UXS1: variants seen among roughly 807,000 people sequenced by gnomAD.
UXS1 encodes UDP-glucuronic acid decarboxylase 1.
A neutral mutation model predicts 62.6 loss-of-function variants in UXS1; 33 were observed. The ratio of observed to expected loss-of-function variants is 0.53; its 90% CI spans 0.40 to 0.70. The LOEUF is 0.70. UXS1 is among the 30% of genes least tolerant of loss of function. UXS1 has a pLI of 0.00. For synonymous variants in UXS1, 213 were observed against 206.8 expected (o/e 1.03, Z -0.26); for missense variants, 434 against 556.3 (o/e 0.78, Z 2.21).
intron 9 of UXS1, among the ~76,000 whole-genome samples, chr2:106,116,831 T>C (rs1352273001): frequency 6.6e-6 from 1 of 152,154 alleles, no homozygotes; most frequent in Non-Finnish European, 1.5e-5. Flanking sequence ...ATAGTATCAA[T>C]AAAAGCCTGA....
In UXS1 at chr2:106,194,158, G is replaced by C. The variant is rs1259537721; in HGVS notation, c.84C>G (p.Ala28=). 1 of 1,484,392 alleles carries C rather than the reference G, an allele frequency of 6.7e-7. No individual in the cohort carries two copies. Among genetic ancestry groups the C allele is most frequent in the Admixed American group, 2.2e-5 (1 of 44,532 alleles). 92.0% of individuals were successfully genotyped at this position (1,484,392 alleles called of 1,614,324 possible). A position where few individuals can be genotyped will look rare whatever the true frequency, so the allele number is the denominator to read the frequency against. ...CGGGCGCGCACTCACAGGCGACGTAGGCCAGCAAGGCGATGCCCAGCAGCA... is the reference window on the plus strand; with the variant it reads ...CGGGCGCGCACTCACAGGCGACGTACGCCAGCAAGGCGATGCCCAGCAGCA... ...MKLLLGIALL[A]YVASVWGNFV... is the part of the protein sequence containing the mutation. Residue 28 remains alanine (A), a synonymous_variant, in exon 1 of 15, where the codon GCC becomes GCG. Coordinates refer to ENST00000283148, the MANE Select transcript of UXS1 (RefSeq NM_001253875.2).
At chr2:106,176,068 A>C (rs933591752) in intron 1 of UXS1, among the ~76,000 whole-genome samples, 26 of 152,124 alleles carry the variant, frequency 1.7e-4, no homozygotes, top group Admixed American at 1.5e-3. Flanking sequence ...TCCTCCAGTC[A>C]AAGGCACTGC....
chr2:106,175,814 C>T (rs949371355), intron 1 of UXS1, among the ~76,000 whole-genome samples: 5 of 152,126 alleles, frequency 3.3e-5, no homozygotes, highest in African/African-American at 9.7e-5. Flanking sequence ...GAGCCATCCC[C>T]GTCTCAAATT....
intron 2 of UXS1, 148 bp downstream of exon 2, chr2:106,165,908 G>T: frequency 1.6e-6 from 1 of 643,396 alleles, no homozygotes; most frequent in Non-Finnish European, 2.5e-6. Context: ...TAGGAGAAAA[G>T]AAACAGCTCA....
intron 1 of UXS1, among the ~76,000 whole-genome samples, chr2:106,186,455 TATACAC>T (rs1406969550): frequency 9.2e-5 from 13 of 141,336 alleles, no homozygotes; most frequent in South Asian, 2.2e-4. Flanking sequence ...TATATATATA[TATACAC>T]ACACACACAC....
chr2:106,140,189 C>A (rs972059177), intron 6 of UXS1, among the ~76,000 whole-genome samples: 1 of 152,210 alleles, frequency 6.6e-6, no homozygotes, highest in Non-Finnish European at 1.5e-5. Context: ...GCTCAGCCCC[C>A]GGGAGCTGGG....
rs186767921 is a variant in UXS1, at chr2:106,156,589, C to T, written c.291+1469G>A. Among the ~76,000 whole-genome samples, 21 of 152,268 alleles carry T rather than the reference C, an allele frequency of 1.4e-4. 1 individual carries two copies. The East Asian group carries it at 2.9e-3, about 21-fold the overall frequency. ...ACCGCACCCCACCCCCATACCTAAA[C>T]GCAAAGATGCTCAGGTTCCGCATAT... On this transcript the variant is annotated intron_variant, in intron 5 of 14. Coordinates refer to ENST00000283148, the MANE Select transcript of UXS1 (RefSeq NM_001253875.2).
At chr2:106,163,489 C>T (rs753278790) in intron 4 of UXS1, among the ~76,000 whole-genome samples, 178 bp downstream of exon 4, 1 of 152,322 alleles carries the variant, frequency 6.6e-6, no homozygotes, top group East Asian at 1.9e-4. Context: ...AAGATCTTAA[C>T]ACATCTAGAT....
At chr2:106,099,893 A>G (rs922134701) in intron 12 of UXS1, among the ~76,000 whole-genome samples, 1 of 152,136 alleles carries the variant, frequency 6.6e-6, no homozygotes, top group Admixed American at 6.5e-5. Context: ...TGGAGTCAGC[A>G]CTCCAGGGCA....
At chr2:106,103,003 A>C (rs1677720242) in intron 11 of UXS1, 1 of 152,204 alleles carries the variant, frequency 6.6e-6, no homozygotes, top group Non-Finnish European at 1.5e-5. Context: ...GTCTAGGGAA[A>C]CTGCTCATGC....
intron 1 of UXS1, among the ~76,000 whole-genome samples, chr2:106,167,469 G>C (rs1683279989): frequency 6.6e-6 from 1 of 152,166 alleles, no homozygotes; most frequent in Non-Finnish European, 1.5e-5. Context: ...CTTGTGTGTA[G>C]TAGGAGTTTA....
intron 1 of UXS1, among the ~76,000 whole-genome samples, chr2:106,176,633 A>T (rs1432001068): frequency 6.6e-6 from 1 of 152,220 alleles, no homozygotes; most frequent in Non-Finnish European, 1.5e-5. Flanking sequence ...ACCTTGGAGC[A>T]TGCCCAGACT....
At chr2:106,177,026 C>T (rs4241222) in intron 1 of UXS1, among the ~76,000 whole-genome samples, 149,222 of 152,226 alleles carry the variant, frequency 0.98, 73,194 homozygotes, top group South Asian at 1. Flanking sequence ...AAGATGTCAC[C>T]TTTTTTAAAG....
intron 1 of UXS1, among the ~76,000 whole-genome samples, chr2:106,193,437 C>A (rs963032842): frequency 4.6e-5 from 7 of 152,132 alleles, no homozygotes; most frequent in African/African-American, 1.4e-4. Flanking sequence ...AAGTGCCCCT[C>A]CTGCCCTGTC....
At chr2:106,119,289 C>T (rs1225739823) in intron 9 of UXS1, among the ~76,000 whole-genome samples, 2 of 152,196 alleles carry the variant, frequency 1.3e-5, no homozygotes, top group Non-Finnish European at 2.9e-5. Context: ...TTACCTGCTT[C>T]AGCCTGCAGG....
intron 6 of UXS1, among the ~76,000 whole-genome samples, chr2:106,141,686 C>T (rs971444780): frequency 2.0e-5 from 3 of 151,556 alleles, no homozygotes; most frequent in Admixed American, 6.6e-5. Flanking sequence ...TAGGCTCAAG[C>T]GATCTGCCTG....
At chr2:106,098,893 C>A in intron 12 of UXS1, 120 bp from the exon 13 acceptor site, 11 of 800,628 alleles carry the variant, frequency 1.4e-5, no homozygotes, top group Non-Finnish European at 2.3e-5. Context: ...TGCGCTGCTT[C>A]AGCAGAGCTC....
intron 9 of UXS1, 129 bp from the exon 10 acceptor site, chr2:106,112,894 CT>C (rs1558687558): frequency 5.7e-6 from 8 of 1,394,320 alleles, no homozygotes; most frequent in Non-Finnish European, 7.6e-6. Context: ...ATGGAAATGG[CT>C]TTTTTGTTCT....
At chr2:106,143,408 CAAAAAAA>C (rs60493984) in intron 6 of UXS1, among the ~76,000 whole-genome samples, 63 of 38,650 alleles carry the variant, frequency 1.6e-3, no homozygotes, top group Admixed American at 4.6e-3. Context: ...GACTCCGTCT[CAAAAAAA>C]AAAAAAAAAA....
Sources: gnomAD v4.1 joint callset for allele counts (sites outside exome capture counted in the v4.1 genomes callset) on GRCh38, gnomAD v4.1.1 for gene constraint, MANE v1.5 for transcripts, NCBI Gene and HGNC (gene_info 2026-07-23, HGNC 2026-07-21) for gene names.